Variants in CDH18 observed in about 807,000 individuals in gnomAD.
The protein encoded by CDH18 is cadherin-18.
Under a neutral mutation model 67.9 loss-of-function variants are expected in CDH18, and 31 were observed. The ratio of observed to expected loss-of-function variants is 0.46; its 90% CI spans 0.34 to 0.62. The LOEUF (loss-of-function observed/expected upper bound fraction) is 0.62, where lower values mean the gene tolerates loss of function less well. Ranked by LOEUF, CDH18 falls within the 20% of genes least tolerant of loss-of-function variation. The probability of loss-of-function intolerance (pLI) is 0.01; values close to 1 mark genes in which losing one functional copy is unlikely to be tolerated. For synonymous variants in CDH18, 362 were observed against 347.2 expected, an observed-to-expected ratio of 1.04 and a Z score of -0.48; for missense variants, 890 against 975.5, an observed-to-expected ratio of 0.91 and a Z score of 1.17.
intron 3 of CDH18, among the ~76,000 whole-genome samples, chr5:19,754,221 A>G (rs1481781225): frequency 6.6e-6 from 1 of 152,280 alleles, no homozygotes; most frequent in East Asian, 1.9e-4. Flanking sequence ...GAACTGCAGA[A>G]TGGATAAGAA....
At chr5:19,998,585 C>T (rs1340509416) in intron 2 of CDH18, among the ~76,000 whole-genome samples, 1 of 151,970 alleles carries the variant, frequency 6.6e-6, no homozygotes, top group African/African-American at 2.4e-5. Context: ...TTTGAGGAGA[C>T]ATTTATATAT....
At chr5:19,789,463 A>G (rs1776142207) in intron 3 of CDH18, among the ~76,000 whole-genome samples, 1 of 152,178 alleles carries the variant, frequency 6.6e-6, no homozygotes, top group Non-Finnish European at 1.5e-5. Flanking sequence ...CAGTTCTTCC[A>G]TGTTCCGCAG....
chr5:20,192,796 C>A (rs1738653125), intron 2 of CDH18, among the ~76,000 whole-genome samples: 1 of 152,062 alleles, frequency 6.6e-6, no homozygotes, highest in African/African-American at 2.4e-5. Context: ...ATGCCTCCAG[C>A]TTTATTCCTT....
At chr5:19,891,053 T>C (rs770445545) in intron 2 of CDH18, among the ~76,000 whole-genome samples, 1 of 152,190 alleles carries the variant, frequency 6.6e-6, no homozygotes, top group African/African-American at 2.4e-5. Flanking sequence ...AAATTCATTA[T>C]GTAATTCTTA....
intron 1 of CDH18, among the ~76,000 whole-genome samples, chr5:20,457,629 G>C (rs533149255): frequency 6.6e-6 from 1 of 152,262 alleles, no homozygotes; most frequent in Non-Finnish European, 1.5e-5. Context: ...TGGGGTTATA[G>C]TATGTGCTGC....
At chr5:19,948,850 A>C (rs928090178) in intron 2 of CDH18, among the ~76,000 whole-genome samples, 1 of 152,182 alleles carries the variant, frequency 6.6e-6, no homozygotes, top group Admixed American at 6.6e-5. Flanking sequence ...AAAAGGGTGA[A>C]GAAAATATAT....
intron 6 of CDH18, among the ~76,000 whole-genome samples, chr5:19,603,643 G>A (rs1943128224): frequency 6.6e-6 from 1 of 151,376 alleles, no homozygotes; most frequent in Non-Finnish European, 1.5e-5. Context: ...ATGAAAATCT[G>A]ACCAAAATCA....
intron 2 of CDH18, among the ~76,000 whole-genome samples, chr5:20,039,190 G>C (rs1195597832): frequency 6.6e-6 from 1 of 151,858 alleles, no homozygotes; most frequent in Non-Finnish European, 1.5e-5. Context: ...CAAGGAAATA[G>C]GAGAGTACAC....
intron 1 of CDH18, among the ~76,000 whole-genome samples, chr5:20,365,812 T>A (rs1742470916): frequency 6.6e-6 from 1 of 152,142 alleles, no homozygotes; most frequent in Non-Finnish European, 1.5e-5. Flanking sequence ...TTTATTTATC[T>A]GTCTTATTAA....
At chr5:19,878,711 TAACTAC>T in intron 2 of CDH18, among the ~76,000 whole-genome samples, 1 of 152,160 alleles carries the variant, frequency 6.6e-6, no homozygotes, top group East Asian at 1.9e-4. Flanking sequence ...TTAAGCAACT[TAACTAC>T]AACTACATAA....
At chr5:20,177,391 C>T (rs1035520025) in intron 2 of CDH18, among the ~76,000 whole-genome samples, 1 of 152,064 alleles carries the variant, frequency 6.6e-6, no homozygotes, top group Non-Finnish European at 1.5e-5. Context: ...ACATTTAGTT[C>T]CTTTCTATAT....
chr5:19,610,259 A>T (rs1285923328), intron 6 of CDH18, among the ~76,000 whole-genome samples: 1 of 152,132 alleles, frequency 6.6e-6, no homozygotes, highest in Non-Finnish European at 1.5e-5. Context: ...CAGAGAGTAT[A>T]CACTTATTCT....
intron 1 of CDH18, among the ~76,000 whole-genome samples, chr5:20,503,488 C>A (rs1210888547): frequency 6.6e-6 from 1 of 152,128 alleles, no homozygotes; most frequent in Non-Finnish European, 1.5e-5. Flanking sequence ...ATATCATTCT[C>A]ATTTTTCCAG....
chr5:19,940,626 CTT>C, intron 2 of CDH18, among the ~76,000 whole-genome samples: 1 of 152,102 alleles, frequency 6.6e-6, no homozygotes, highest in Non-Finnish European at 1.5e-5. Flanking sequence ...GAAATTTTCA[CTT>C]ACTGGCCTTT....
intron 1 of CDH18, among the ~76,000 whole-genome samples, chr5:20,356,002 A>G (rs1741575505): frequency 6.6e-6 from 1 of 152,246 alleles, no homozygotes; most frequent in South Asian, 2.1e-4. Context: ...TTTATTTACA[A>G]TATCTGTCCT....
intron 2 of CDH18, among the ~76,000 whole-genome samples, chr5:20,176,461 TA>T (rs938285908): frequency 5.3e-5 from 8 of 152,186 alleles, no homozygotes; most frequent in Non-Finnish European, 1.0e-4. Context: ...ACTGCATAGT[TA>T]AAAGAAAGTG....
In CDH18 at chr5:20,557,279, C is replaced by T. The variant is rs549489295; in HGVS notation, c.-580+18183G>A. Among the ~76,000 whole-genome samples the T allele has an allele frequency of 2.6e-5, 4 of 151,524 alleles. No individual in the cohort carries two copies. In the South Asian group the frequency reaches 8.3e-4, roughly 32 times the overall value. The stretch of plus-strand genomic sequence containing the variant: ...ACAATGCAAGTTCAACCAATAATTG[C>T]GTGGAGAGATCGGCGAAAAAAATGT... On this transcript the variant is annotated intron_variant, in intron 1 of 14. Coordinates refer to the CDH18 transcript ENST00000507958.
chr5:20,117,951 T>A (rs1410395508), intron 2 of CDH18, among the ~76,000 whole-genome samples: 1 of 152,180 alleles, frequency 6.6e-6, no homozygotes, highest in Non-Finnish European at 1.5e-5. Flanking sequence ...AAAACATACC[T>A]CCTCTGATGT....
intron 3 of CDH18, among the ~76,000 whole-genome samples, chr5:19,784,725 C>A (rs1184638608): frequency 6.6e-6 from 1 of 152,112 alleles, no homozygotes; most frequent in African/African-American, 2.4e-5. Context: ...TTAGAGCTTG[C>A]AAATATTCTT....
Sources: gnomAD v4.1 joint callset for allele counts (sites outside exome capture counted in the v4.1 genomes callset) on GRCh38, gnomAD v4.1.1 for gene constraint, MANE v1.5 for transcripts, NCBI Gene and HGNC (gene_info 2026-07-23, HGNC 2026-07-21) for gene names.